SPMAP2: variants seen among roughly 807,000 people sequenced by gnomAD.
SPMAP2 encodes the protein Theg homolog.
chr19:364,390 C>A, the SPMAP2 span, among the ~76,000 whole-genome samples: 1 of 151,558 alleles, frequency 6.6e-6, no homozygotes, highest in South Asian at 2.1e-4. Flanking sequence ...TTTTAAACGG[C>A]CACTGGCAGC....
chr19:373,951 G>A, the SPMAP2 span: 1 of 1,613,600 alleles, frequency 6.2e-7, no homozygotes, highest in African/African-American at 1.3e-5. Context: ...AGCAGAGACA[G>A]AAGTGCAAGC....
At chr19:374,395 G>A in the SPMAP2 span, 3 of 1,614,108 alleles carry the variant, frequency 1.9e-6, no homozygotes, top group East Asian at 2.2e-5. Flanking sequence ...GGTGGTGCTG[G>A]GGAGCTTCTG....
the SPMAP2 span, chr19:362,333 A>T: frequency 6.2e-7 from 1 of 1,610,484 alleles, no homozygotes; most frequent in South Asian, 1.1e-5. Context: ...CAGGGAGATG[A>T]TCCGGGGGCT....
At chr19:369,202 C>G in the SPMAP2 span, among the ~76,000 whole-genome samples, 1 of 152,158 alleles carries the variant, frequency 6.6e-6, no homozygotes, top group Non-Finnish European at 1.5e-5. Flanking sequence ...CGCGACCACA[C>G]ACAGTGAGGG....
chr19:372,378 G>A, the SPMAP2 span, among the ~76,000 whole-genome samples: 1 of 152,228 alleles, frequency 6.6e-6, no homozygotes, highest in Admixed American at 6.5e-5. Flanking sequence ...GCAAATCCCC[G>A]TTCACGGGTG....
chr19:364,735 G>A, the SPMAP2 span, among the ~76,000 whole-genome samples: 7 of 151,916 alleles, frequency 4.6e-5, no homozygotes, highest in South Asian at 2.1e-4. Flanking sequence ...TCAGGCACTC[G>A]TGGCCCCCTC....
chr19:364,619 T>G, the SPMAP2 span, among the ~76,000 whole-genome samples: 1 of 152,098 alleles, frequency 6.6e-6, no homozygotes, highest in Admixed American at 6.5e-5. Context: ...GTGACCCTGG[T>G]TCACCCCCCT....
the SPMAP2 span, among the ~76,000 whole-genome samples, chr19:363,431 G>T: frequency 6.7e-6 from 1 of 150,216 alleles, no homozygotes; most frequent in African/African-American, 2.5e-5. Context: ...GACCTCAGGC[G>T]ATCCGCCCGC....
the SPMAP2 span, chr19:373,673 G>T: frequency 2.3e-5 from 17 of 730,670 alleles, no homozygotes; most frequent in African/African-American, 2.7e-4. Context: ...AAGGACAGTG[G>T]GGGGGCCGGC....
the SPMAP2 span, among the ~76,000 whole-genome samples, chr19:368,949 C>T: frequency 6.6e-6 from 1 of 152,186 alleles, no homozygotes; most frequent in South Asian, 2.1e-4. The surrounding 1 kb of genome is among the most constrained non-coding windows in gnomAD (Gnocchi z 4.1). Context: ...TCATCCAAAC[C>T]AACTGCAGAA....
At chr19:375,063 G>GCCGC in the SPMAP2 span, among the ~76,000 whole-genome samples, 1 of 152,140 alleles carries the variant, frequency 6.6e-6, no homozygotes, top group African/African-American at 2.4e-5. Context: ...CGGTGAGAAG[G>GCCGC]GGGCAGGTCG....
At chr19:371,003 C>G in the SPMAP2 span, among the ~76,000 whole-genome samples, 1 of 152,172 alleles carries the variant, frequency 6.6e-6, no homozygotes, top group Admixed American at 6.5e-5. Flanking sequence ...GGGATCCACC[C>G]GGACTGAAGC....
chr19:363,253 C>T, the SPMAP2 span, among the ~76,000 whole-genome samples: 2 of 152,058 alleles, frequency 1.3e-5, no homozygotes, highest in African/African-American at 2.4e-5. Flanking sequence ...AGTGCAGTGG[C>T]GTGATCTCGG....
chr19:366,111 G>T, the SPMAP2 span, among the ~76,000 whole-genome samples: 1 of 152,000 alleles, frequency 6.6e-6, no homozygotes, highest in Non-Finnish European at 1.5e-5. Context: ...CTGCACTCCA[G>T]CCTGGGCGAC....
chr19:374,021 G>C, the SPMAP2 span: 1 of 1,612,334 alleles, frequency 6.2e-7, no homozygotes, highest in Admixed American at 1.7e-5. Context: ...CCTGCGAGGA[G>C]ACAGGGTCCG....
chr19:366,390 GC>G, the SPMAP2 span, among the ~76,000 whole-genome samples: 1 of 152,086 alleles, frequency 6.6e-6, no homozygotes, highest in African/African-American at 2.4e-5. Flanking sequence ...GTTTATACTC[GC>G]CGTGTGTGTG....
the SPMAP2 span, among the ~76,000 whole-genome samples, chr19:366,294 ATGTG>A: frequency 6.6e-6 from 1 of 152,302 alleles, no homozygotes; most frequent in African/African-American, 2.4e-5. Flanking sequence ...GTATCCATGC[ATGTG>A]TGTACCAGTG....
chr19:371,778 C>A, the SPMAP2 span, among the ~76,000 whole-genome samples: 1 of 152,298 alleles, frequency 6.6e-6, no homozygotes, highest in East Asian at 1.9e-4. Flanking sequence ...GCTGAGCTCC[C>A]GGGGCTGTGC....
the SPMAP2 span, among the ~76,000 whole-genome samples, chr19:366,563 A>G: frequency 6.6e-6 from 1 of 152,230 alleles, no homozygotes; most frequent in African/African-American, 2.4e-5. Context: ...GACAAGACAG[A>G]GACTTGGGAG....
Sources: allele counts gnomAD v4.1 joint callset (sites outside exome capture counted in the v4.1 genomes callset), GRCh38; gene constraint gnomAD v4.1.1; non-coding constraint Gnocchi (gnomAD v3.1); transcripts MANE v1.5; gene names NCBI Gene and HGNC (gene_info 2026-07-23, HGNC 2026-07-21).